The following SYN3 variants were observed in gnomAD, a reference collection of about 807,000 sequenced individuals.
SYN3 encodes synapsin III.
Under a neutral mutation model 65.8 loss-of-function variants are expected in SYN3, and 35 were observed. The observed-to-expected ratio is 0.53, with a 90% CI of 0.41 to 0.70. The LOEUF (loss-of-function observed/expected upper bound fraction) is 0.70. Among genes scored for constraint, SYN3 ranks in the 30% least tolerant of loss-of-function variants. SYN3 has a pLI of 0.00. For missense variants in SYN3, 680 were observed against 749.0 expected, an observed-to-expected ratio of 0.91 and a Z score of 1.08; for synonymous variants, 270 against 292.9, an observed-to-expected ratio of 0.92 and a Z score of 0.80.
At chr22:32,540,130 G>T (rs920100621) in intron 8 of SYN3, among the ~76,000 whole-genome samples, 1 of 152,220 alleles carries the variant, frequency 6.6e-6, no homozygotes. Flanking sequence ...CTCAGTAGTT[G>T]CAACAGAGAC....
intron 1 of SYN3, among the ~76,000 whole-genome samples, chr22:33,026,919 T>C (rs116294723): frequency 2.6e-4 from 40 of 152,366 alleles, no homozygotes; most frequent in African/African-American, 9.6e-4. Flanking sequence ...AAAAGGGCAC[T>C]TCACCAGAGG....
At chr22:32,778,616 G>T (rs541975373) in intron 6 of SYN3, among the ~76,000 whole-genome samples, 1 of 152,140 alleles carries the variant, frequency 6.6e-6, no homozygotes, top group Non-Finnish European at 1.5e-5. Context: ...TTAATCTCCT[G>T]TTTCCATCAC....
At chr22:33,020,068 A>G (rs914730619) in intron 1 of SYN3, among the ~76,000 whole-genome samples, 2 of 152,156 alleles carry the variant, frequency 1.3e-5, no homozygotes, top group African/African-American at 2.4e-5. Flanking sequence ...CCTGACTTCA[A>G]CCATCCCTGA....
At chr22:32,585,338 C>T (rs1386375627) in intron 7 of SYN3, among the ~76,000 whole-genome samples, 3 of 152,164 alleles carry the variant, frequency 2.0e-5, no homozygotes, top group Non-Finnish European at 4.4e-5. Flanking sequence ...AGTTGGTTTT[C>T]CCCAGCGCCA....
chr22:33,006,169 A>AGT (rs1569398544), intron 2 of SYN3, among the ~76,000 whole-genome samples, 183 bp downstream of exon 2: 2 of 152,316 alleles, frequency 1.3e-5, no homozygotes, highest in East Asian at 3.9e-4. Flanking sequence ...TGTGGCACTA[A>AGT]GTAGGTGCTG....
At chr22:32,913,130 A>G (rs1205749618) in intron 4 of SYN3, among the ~76,000 whole-genome samples, 1 of 151,964 alleles carries the variant, frequency 6.6e-6, no homozygotes, top group Non-Finnish European at 1.5e-5. Context: ...TTTGCCATGA[A>G]CTGAAAACTG....
chr22:32,848,463 C>T (rs1324545589), intron 6 of SYN3, among the ~76,000 whole-genome samples: 4 of 152,216 alleles, frequency 2.6e-5, no homozygotes, highest in African/African-American at 9.7e-5. Flanking sequence ...GATGCTAATA[C>T]TGCCCTTGTA....
intron 6 of SYN3, among the ~76,000 whole-genome samples, chr22:32,643,623 A>G (rs758100004): frequency 5.4e-4 from 81 of 150,386 alleles, no homozygotes; most frequent in Non-Finnish European, 9.3e-4. Context: ...AAAAAGAGTT[A>G]TAGTAGAAAT....
intron 3 of SYN3, among the ~76,000 whole-genome samples, chr22:32,941,635 C>A (rs1419190219): frequency 6.6e-6 from 1 of 152,128 alleles, no homozygotes; most frequent in East Asian, 1.9e-4. Flanking sequence ...GAGCGAGAGC[C>A]AAAGCAGGGC....
At chr22:32,532,241 C>A (rs1382768615) in intron 10 of SYN3, among the ~76,000 whole-genome samples, 2 of 152,294 alleles carry the variant, frequency 1.3e-5, no homozygotes, top group South Asian at 2.1e-4. Flanking sequence ...AATCTGGGTT[C>A]ATGTCTGGTG....
intron 3 of SYN3, among the ~76,000 whole-genome samples, chr22:32,980,380 C>A (rs367819554): frequency 2.7e-4 from 41 of 152,206 alleles, no homozygotes; most frequent in African/African-American, 9.9e-4. Context: ...TCCATCAGAG[C>A]AGCTCTACGT....
intron 7 of SYN3, among the ~76,000 whole-genome samples, chr22:32,561,380 GT>G (rs1455490031): frequency 1.1e-4 from 16 of 152,184 alleles, no homozygotes; most frequent in Non-Finnish European, 2.2e-4. Context: ...TTGATACAGG[GT>G]AGGTGCCTTC....
intron 6 of SYN3, among the ~76,000 whole-genome samples, chr22:32,749,639 TCAACAACAA>T (rs559074812): frequency 6.6e-6 from 1 of 151,884 alleles, no homozygotes; most frequent in Admixed American, 6.6e-5. Flanking sequence ...AGACTTCATC[TCAACAACAA>T]CAACAACAAC....
chr22:33,052,112 C>T lies in SYN3; in HGVS notation c.-163+6180G>A, dbSNP rs148014553. Among the ~76,000 whole-genome samples, 430 of 152,272 alleles carry T rather than the reference C, an allele frequency of 2.8e-3. 3 individuals are homozygous for T. The highest frequency in any genetic ancestry group is 0.01 in the African/African-American group (417 of 41,542). On this transcript the variant is annotated intron_variant, in intron 1 of 13. Transcript: ENST00000358763. The stretch of plus-strand genomic sequence containing the variant: ...TGCCCAAGCTCATATCACAAGTCAG[C>T]GGCAGCCACTGGCTTGAGCTTGCAC...
chr22:32,871,774 A>C (rs1173986624), intron 4 of SYN3, among the ~76,000 whole-genome samples: 1 of 151,862 alleles, frequency 6.6e-6, no homozygotes. Context: ...CATCCAGCTA[A>C]TTTTTAAATT....
chr22:32,933,255 T>C (rs372844080), intron 3 of SYN3, among the ~76,000 whole-genome samples: 3 of 152,228 alleles, frequency 2.0e-5, no homozygotes, highest in East Asian at 3.8e-4. Context: ...AAGCACTCAC[T>C]ATGTGCCAGG....
chr22:32,718,045 C>T (rs868122694), intron 6 of SYN3, among the ~76,000 whole-genome samples: 3 of 152,178 alleles, frequency 2.0e-5, no homozygotes, highest in Non-Finnish European at 2.9e-5. Flanking sequence ...TGTTTCCTGT[C>T]GAATTCCTTG....
At chr22:32,557,064 T>C (rs2058514040) in intron 7 of SYN3, among the ~76,000 whole-genome samples, 1 of 152,192 alleles carries the variant, frequency 6.6e-6, no homozygotes, top group Admixed American at 6.5e-5. Flanking sequence ...ATCAGGACCA[T>C]GTTCTTAATG....
chr22:32,954,242 C>T (rs547145946), intron 3 of SYN3, among the ~76,000 whole-genome samples: 1 of 152,212 alleles, frequency 6.6e-6, no homozygotes, highest in Admixed American at 6.5e-5. Flanking sequence ...TAATAATGTC[C>T]CTAGGACAGG....
Sources: gnomAD v4.1 joint callset for allele counts (sites outside exome capture counted in the v4.1 genomes callset) on GRCh38, gnomAD v4.1.1 for gene constraint, MANE v1.5 for transcripts, NCBI Gene and HGNC (gene_info 2026-07-23, HGNC 2026-07-21) for gene names.